CEP83: variants seen among roughly 807,000 people sequenced by gnomAD.
CEP83 encodes the protein centrosomal protein of 83 kDa.
In CEP83, 70 loss-of-function variants were observed where a neutral mutation model predicts 101.9. The observed-to-expected ratio is 0.69, with a 90% CI of 0.57 to 0.84. CEP83 has a LOEUF of 0.84. CEP83 is among the 40% of genes least tolerant of loss of function. The probability of loss-of-function intolerance (pLI) is 0.00; values close to 1 mark genes in which losing one functional copy is unlikely to be tolerated. For synonymous variants in CEP83, 264 were observed against 267.9 expected, an observed-to-expected ratio of 0.99 and a Z score of 0.14; for missense variants, 715 against 787.2, an observed-to-expected ratio of 0.91 and a Z score of 1.10.
chr12:94,450,005 C>A lies in CEP83; in HGVS notation c.-155+9552G>T, dbSNP rs1040588785. Among the ~76,000 whole-genome samples the A allele has an allele frequency of 3.3e-5, 5 of 152,040 alleles. No homozygotes were observed. In the East Asian group the frequency reaches 9.7e-4, roughly 29 times the overall value. ...CAAACTAGGAACATAAGGGAGCTTC[C>A]TTAACCTTCTTCAAAGGGCATCTAT... On this transcript the variant is annotated intron_variant, in intron 1 of 16. Coordinates refer to ENST00000397809, the MANE Select transcript of CEP83 (RefSeq NM_016122.3).
At chr12:94,401,149 G>C in intron 5 of CEP83, 168 bp from the exon 6 acceptor site, 1 of 310,614 alleles carries the variant, frequency 3.2e-6, no homozygotes, top group Non-Finnish European at 5.8e-6. Context: ...TTCATAACAA[G>C]TATCCTACAT....
chr12:94,332,333 T>A (rs1398045656), intron 13 of CEP83, among the ~76,000 whole-genome samples: 1 of 152,304 alleles, frequency 6.6e-6, no homozygotes, highest in African/African-American at 2.4e-5. Context: ...TCATAACAAC[T>A]TATATTTTTA....
At chr12:94,287,007 C>T in the CEP83 span, among the ~76,000 whole-genome samples, 1 of 152,198 alleles carries the variant, frequency 6.6e-6, no homozygotes, top group Non-Finnish European at 1.5e-5. Context: ...CTTGGCAACC[C>T]CCAGCACCGG....
At chr12:94,349,310 A>G (rs1382350813) in intron 11 of CEP83, among the ~76,000 whole-genome samples, 1 of 151,846 alleles carries the variant, frequency 6.6e-6, no homozygotes, top group African/African-American at 2.4e-5. Flanking sequence ...AAAGAAAAAA[A>G]GTTTGTAGAA....
intron 8 of CEP83, among the ~76,000 whole-genome samples, chr12:94,374,048 G>A (rs2061416244): frequency 6.6e-6 from 1 of 152,138 alleles, no homozygotes; most frequent in African/African-American, 2.4e-5. Flanking sequence ...GCAACTCTTA[G>A]CAATGTGTAT....
At chr12:94,273,119 T>C in the CEP83 span, among the ~76,000 whole-genome samples, 4 of 152,232 alleles carry the variant, frequency 2.6e-5, no homozygotes, top group Admixed American at 1.3e-4. Context: ...ACCTACTTCA[T>C]AGAGCAGTTG....
At chr12:94,269,836 T>G in the CEP83 span, among the ~76,000 whole-genome samples, 1 of 152,226 alleles carries the variant, frequency 6.6e-6, no homozygotes, top group South Asian at 2.1e-4. Context: ...TGTTCTGAGC[T>G]TCCTGATCAA....
intron 2 of CEP83, among the ~76,000 whole-genome samples, chr12:94,426,327 T>C (rs2065198261): frequency 6.6e-6 from 1 of 152,170 alleles, no homozygotes; most frequent in African/African-American, 2.4e-5. Context: ...AGGAATGCAT[T>C]ACTTCCTCCA....
At chr12:94,370,893 A>T (rs1446924684) in intron 8 of CEP83, among the ~76,000 whole-genome samples, 1 of 152,050 alleles carries the variant, frequency 6.6e-6, no homozygotes, top group East Asian at 1.9e-4. Flanking sequence ...GACTGAGGTA[A>T]GAGGATCACT....
rs1483050210 is a variant in CEP83, at chr12:94,435,259, A to C, written c.-102+16T>G. On this transcript the variant is annotated intron_variant, in intron 2 of 16. Coordinates refer to ENST00000397809, the MANE Select transcript of CEP83 (RefSeq NM_016122.3). Reference sequence around the variant, plus strand: ...GGCATTTGAGAAAAAAGCAGAAGCAAGAAGGTTTATCTCACCTTCCTCTAA... The same window carrying C: ...GGCATTTGAGAAAAAAGCAGAAGCACGAAGGTTTATCTCACCTTCCTCTAA... 1 of 152,264 alleles carries C rather than the reference A, an allele frequency of 6.6e-6. No homozygotes were observed. The highest frequency in any genetic ancestry group is 1.5e-5 in the Non-Finnish European group (1 of 68,058). 9.4% of individuals were successfully genotyped at this position (152,264 alleles called of 1,614,324 possible).
At chr12:94,274,228 T>C in the CEP83 span, among the ~76,000 whole-genome samples, 32,839 of 146,380 alleles carry the variant, frequency 0.22, 3,813 homozygotes, top group Admixed American at 0.28. Flanking sequence ...GTCTCTGCTA[T>C]GTGGGAGGCT....
chr12:94,268,159 C>A, the CEP83 span, among the ~76,000 whole-genome samples: 1 of 152,210 alleles, frequency 6.6e-6, no homozygotes, highest in African/African-American at 2.4e-5. Context: ...AGAAGCACAG[C>A]ACCTCATATA....
chr12:94,353,507 C>T (rs930601332), intron 11 of CEP83, among the ~76,000 whole-genome samples: 1 of 151,910 alleles, frequency 6.6e-6, no homozygotes, highest in Admixed American at 6.6e-5. Context: ...ATTAAGAGAG[C>T]AAGAAAGAAA....
intron 6 of CEP83, among the ~76,000 whole-genome samples, chr12:94,381,841 G>A (rs2061868214): frequency 6.6e-6 from 1 of 152,018 alleles, no homozygotes; most frequent in Non-Finnish European, 1.5e-5. Flanking sequence ...AGGTTCACAA[G>A]GAATTATTAT....
the CEP83 span, among the ~76,000 whole-genome samples, chr12:94,299,887 G>C: frequency 6.6e-6 from 1 of 152,038 alleles, no homozygotes; most frequent in African/African-American, 2.4e-5. Context: ...TCCAGTCCCT[G>C]CCACTCCCAC....
At chr12:94,364,040 G>T (rs954021526) in intron 11 of CEP83, among the ~76,000 whole-genome samples, 1 of 151,842 alleles carries the variant, frequency 6.6e-6, no homozygotes, top group African/African-American at 2.4e-5. Context: ...ACTTACAAAG[G>T]TATGTAGAGC....
chr12:94,418,582 T>C (rs2064471150), intron 2 of CEP83, among the ~76,000 whole-genome samples: 1 of 152,172 alleles, frequency 6.6e-6, no homozygotes, highest in Non-Finnish European at 1.5e-5. Context: ...GCTTGGTGTA[T>C]GATTCCATTT....
chr12:94,427,676 C>G (rs1250755902), intron 2 of CEP83, among the ~76,000 whole-genome samples: 2 of 152,148 alleles, frequency 1.3e-5, no homozygotes, highest in African/African-American at 4.8e-5. Flanking sequence ...ACATGCTATG[C>G]CTTTGAATAT....
rs747273621 is a variant in CEP83 at position 94,412,376 on chromosome 12, T to C, written c.115A>G (p.Arg39Gly). ...SEFQKMLIDE[R>G]LRCEHHKANY... ...GCTTTATGATGCTCACATCGTAACC[T>C]TTCATCAATTAACATTTTCTGGAAC... Residue 39 changes from arginine (R) to glycine (G), a missense_variant, in exon 3 of 17, where the codon AGG becomes GGG. By Grantham distance (125) the Arg-to-Gly change is moderately radical. Coordinates refer to ENST00000397809, the MANE Select transcript of CEP83 (RefSeq NM_016122.3). The C allele has an allele frequency of 6.2e-6, 10 of 1,613,304 alleles. No homozygotes were observed. The highest frequency in any genetic ancestry group is 1.7e-4 in the Middle Eastern group (1 of 6,052).
Sources: allele counts gnomAD v4.1 joint callset (sites outside exome capture counted in the v4.1 genomes callset), GRCh38; gene constraint gnomAD v4.1.1; transcripts MANE v1.5; gene names NCBI Gene and HGNC (gene_info 2026-07-23, HGNC 2026-07-21).